Variants in RASEF observed in about 807,000 individuals in gnomAD.
The protein encoded by RASEF is ras and EF-hand domain-containing protein.
Under a neutral mutation model 90.1 loss-of-function variants are expected in RASEF, and 68 were observed. That is an observed-to-expected ratio of 0.75 (90% CI 0.62 to 0.92). RASEF has a LOEUF of 0.92. RASEF is among the 40% of genes least tolerant of loss of function. The pLI, the probability that RASEF is intolerant of heterozygous loss-of-function variation, is 0.00. For missense variants in RASEF, 949 were observed against 937.2 expected, an observed-to-expected ratio of 1.01 and a Z score of -0.16; for synonymous variants, 331 against 345.2, an observed-to-expected ratio of 0.96 and a Z score of 0.46.
the RASEF span, among the ~76,000 whole-genome samples, chr9:83,201,558 T>C: frequency 6.6e-6 from 1 of 152,168 alleles, no homozygotes; most frequent in Admixed American, 6.5e-5. Flanking sequence ...GAGTGAAACA[T>C]GTATTATCAC....
intron 2 of RASEF, among the ~76,000 whole-genome samples, chr9:83,023,832 T>A (rs1433522148): frequency 6.6e-6 from 1 of 152,166 alleles, no homozygotes; most frequent in African/African-American, 2.4e-5. Flanking sequence ...AGCTATCCAA[T>A]CCCAAGCATC....
At chr9:82,995,236 T>C (rs1369332831) in intron 14 of RASEF, among the ~76,000 whole-genome samples, 1 of 152,226 alleles carries the variant, frequency 6.6e-6, no homozygotes, top group Non-Finnish European at 1.5e-5. Context: ...ATCTTGCCTT[T>C]TGTGCCTCCT....
chr9:83,008,017 C>T (rs913485071), intron 6 of RASEF, among the ~76,000 whole-genome samples: 1 of 152,112 alleles, frequency 6.6e-6, no homozygotes, highest in Non-Finnish European at 1.5e-5. Context: ...CTCTCCTTAC[C>T]TAAACCACAG....
chr9:83,059,772 T>A (rs1406941382), intron 1 of RASEF, among the ~76,000 whole-genome samples: 3 of 152,176 alleles, frequency 2.0e-5, no homozygotes, highest in Non-Finnish European at 4.4e-5. Flanking sequence ...AGGCCCATCC[T>A]GACCTTGCAG....
chr9:83,217,869 T>C, the RASEF span, among the ~76,000 whole-genome samples: 1 of 152,214 alleles, frequency 6.6e-6, no homozygotes, highest in East Asian at 1.9e-4. Flanking sequence ...ATATCTTAGG[T>C]GTCTGGTCCA....
Sources: gnomAD v4.1 joint callset for allele counts (sites outside exome capture counted in the v4.1 genomes callset) on GRCh38, gnomAD v4.1.1 for gene constraint, MANE v1.5 for transcripts, NCBI Gene and HGNC (gene_info 2026-07-23, HGNC 2026-07-21) for gene names.